Variants in RGS6 observed in about 807,000 individuals in gnomAD.
RGS6 encodes the protein regulator of G protein signaling 6, also known as regulator of G-protein signaling 6.
RGS6 carries 30 observed loss-of-function variants against 78.5 expected under a neutral mutation model. The observed-to-expected ratio is 0.38, with a 90% CI of 0.29 to 0.52. RGS6 has a LOEUF of 0.52. Ranked by LOEUF, RGS6 falls within the 20% of genes least tolerant of loss-of-function variation. The pLI is 0.85. For missense variants in RGS6, 495 were observed against 609.7 expected (o/e 0.81, Z 1.98); for synonymous variants, 206 against 206.0 (o/e 1.00, Z 0.00).
chr14:72,579,248 C>T, the RGS6 span, among the ~76,000 whole-genome samples: 1 of 152,170 alleles, frequency 6.6e-6, no homozygotes, highest in Non-Finnish European at 1.5e-5. Context: ...CCATGACCAC[C>T]ACCTGGAAGC....
chr14:72,330,653 C>T (rs2239249), intron 2 of RGS6, among the ~76,000 whole-genome samples: 1 of 151,958 alleles, frequency 6.6e-6, no homozygotes, highest in Non-Finnish European at 1.5e-5. Flanking sequence ...GTTAGTGACA[C>T]GATATTTCAT....
chr14:72,404,135 C>A (rs1442862016), intron 3 of RGS6, among the ~76,000 whole-genome samples: 2 of 152,100 alleles, frequency 1.3e-5, no homozygotes, highest in Admixed American at 6.5e-5. Context: ...GGCACAGGAC[C>A]CTTCTTTTTG....
intron 2 of RGS6, among the ~76,000 whole-genome samples, chr14:71,983,339 C>T (rs541805109): frequency 6.6e-6 from 1 of 152,178 alleles, no homozygotes; most frequent in Non-Finnish European, 1.5e-5. Context: ...ACTCCAGAGA[C>T]CTTTTTGGTT....
intron 2 of RGS6, among the ~76,000 whole-genome samples, chr14:72,301,967 A>G (rs556073869): frequency 3.9e-5 from 6 of 152,238 alleles, no homozygotes; most frequent in Non-Finnish European, 7.3e-5. Context: ...GGGACATGAT[A>G]ACATGCTGCT....
At chr14:72,598,668 G>A in the RGS6 span, among the ~76,000 whole-genome samples, 5 of 152,210 alleles carry the variant, frequency 3.3e-5, no homozygotes, top group African/African-American at 1.2e-4. Context: ...CCCAAGGGCT[G>A]GAGGAGCAAA....
intron 3 of RGS6, among the ~76,000 whole-genome samples, chr14:72,381,558 G>A (rs923725312): frequency 6.6e-6 from 1 of 152,010 alleles, no homozygotes; most frequent in African/African-American, 2.4e-5. Context: ...CATGTGCTCT[G>A]ATAAAATAAC....
At chr14:72,371,722 T>C (rs2083555717) in intron 3 of RGS6, among the ~76,000 whole-genome samples, 1 of 152,106 alleles carries the variant, frequency 6.6e-6, no homozygotes, top group African/African-American at 2.4e-5. Context: ...GATCGCACCA[T>C]TGCACTCCAG....
intron 2 of RGS6, among the ~76,000 whole-genome samples, chr14:72,095,177 C>T (rs965128039): frequency 6.6e-6 from 1 of 152,026 alleles, no homozygotes; most frequent in East Asian, 1.9e-4. Context: ...TATGATTGAG[C>T]TCAATTTTGC....
chr14:72,385,687 C>T (rs575363257), intron 3 of RGS6, among the ~76,000 whole-genome samples: 27 of 152,300 alleles, frequency 1.8e-4, no homozygotes, highest in Non-Finnish European at 3.2e-4. Context: ...GGACATTAGT[C>T]AGTGTGTCTG....
intron 3 of RGS6, among the ~76,000 whole-genome samples, chr14:72,416,070 C>T (rs952719240): frequency 2.6e-5 from 4 of 151,466 alleles, no homozygotes; most frequent in Non-Finnish European, 5.9e-5. Context: ...ATTGCTTGAA[C>T]CCGGGAGGCG....
Position 72,045,531 on chromosome 14 carries a change from G to A in RGS6, c.84+80656G>A, listed in dbSNP as rs190575598. Among the ~76,000 whole-genome samples, 686 of 152,208 alleles carry A rather than the reference G, an allele frequency of 4.5e-3. 5 individuals carry two copies. The highest frequency in any genetic ancestry group is 5.6e-3 in the Non-Finnish European group (382 of 68,002). On this transcript the variant is annotated intron_variant, in intron 2 of 17. Transcript: ENST00000553525. ...ACTCCTCAGATAGAGTTTGCATCTT[G>A]CAGCTCTTTTAGACGTAATCTAATG...
chr14:72,266,122 G>C (rs905216026), intron 2 of RGS6, among the ~76,000 whole-genome samples: 3 of 152,128 alleles, frequency 2.0e-5, no homozygotes, highest in African/African-American at 7.2e-5. Flanking sequence ...AAATTCTTTT[G>C]CTCCTCGCTG....
At chr14:72,149,699 T>A (rs1414712228) in intron 2 of RGS6, among the ~76,000 whole-genome samples, 3 of 152,194 alleles carry the variant, frequency 2.0e-5, no homozygotes, top group Non-Finnish European at 4.4e-5. Flanking sequence ...GTGACTGGCA[T>A]GGGATAGGAA....
chr14:72,337,714 G>A (rs2076296707), intron 2 of RGS6, among the ~76,000 whole-genome samples: 1 of 152,208 alleles, frequency 6.6e-6, no homozygotes, highest in African/African-American at 2.4e-5. Flanking sequence ...AAGAGCTACA[G>A]GGAGACAAGC....
intron 1 of RGS6, among the ~76,000 whole-genome samples, chr14:71,935,563 T>C (rs1790947475): frequency 6.6e-6 from 1 of 152,214 alleles, no homozygotes; most frequent in South Asian, 2.1e-4. Flanking sequence ...GTTCTTTCTT[T>C]TTCTGTTCTT....
intron 2 of RGS6, among the ~76,000 whole-genome samples, chr14:72,295,222 C>T (rs376175177): frequency 3.4e-5 from 5 of 147,838 alleles, no homozygotes; most frequent in South Asian, 4.3e-4. Context: ...ACCCGGGAGG[C>T]GGAGCTTGCA....
At chr14:72,281,603 T>G (rs760999909) in intron 2 of RGS6, among the ~76,000 whole-genome samples, 14 of 152,144 alleles carry the variant, frequency 9.2e-5, no homozygotes, top group Non-Finnish European at 1.6e-4. Context: ...AGAAGATCTC[T>G]TTAGACTGGT....
At chr14:71,996,874 G>T (rs2095225687) in intron 2 of RGS6, among the ~76,000 whole-genome samples, 1 of 152,160 alleles carries the variant, frequency 6.6e-6, no homozygotes, top group African/African-American at 2.4e-5. Flanking sequence ...AAGGACTGCA[G>T]TTCTGGGAAC....
At chr14:72,294,741 G>A (rs1413104029) in intron 2 of RGS6, among the ~76,000 whole-genome samples, 5 of 151,934 alleles carry the variant, frequency 3.3e-5, no homozygotes. Context: ...CACTGTTAAA[G>A]AACCAGATCT....
Sources: gnomAD v4.1 joint callset for allele counts (sites outside exome capture counted in the v4.1 genomes callset) on GRCh38, gnomAD v4.1.1 for gene constraint, MANE v1.5 for transcripts, NCBI Gene and HGNC (gene_info 2026-07-23, HGNC 2026-07-21) for gene names.